The following ZCCHC4 variants were observed in gnomAD, a reference collection of about 807,000 sequenced individuals.
ZCCHC4 encodes the protein zinc finger CCHC-type containing 4, also known as rRNA N(6)-adenosine-methyltransferase ZCCHC4.
In ZCCHC4, 54 loss-of-function variants were observed where a neutral mutation model predicts 67.7. The ratio of observed to expected loss-of-function variants is 0.80; its 90% CI spans 0.64 to 1.00. ZCCHC4 has a LOEUF of 1.00. ZCCHC4 is among the 50% of genes least tolerant of loss of function. The probability of loss-of-function intolerance (pLI) is 0.00; values close to 1 mark genes in which losing one functional copy is unlikely to be tolerated. For missense variants in ZCCHC4, 609 were observed against 617.0 expected (o/e 0.99, Z 0.14); for synonymous variants, 198 against 213.5 (o/e 0.93, Z 0.63).
intron 5 of ZCCHC4, among the ~76,000 whole-genome samples, chr4:25,337,001 C>T (rs904894638): frequency 6.6e-6 from 1 of 152,146 alleles, no homozygotes; most frequent in Non-Finnish European, 1.5e-5. Context: ...ACTAAGCTAT[C>T]CTTTGGAAAT....
chr4:25,333,241 C>A lies in ZCCHC4; in HGVS notation c.388C>A (p.Gln130Lys), dbSNP rs775876074. 2.5e-5 allele frequency: 41 copies of A among 1,614,016 alleles called. No homozygotes were observed. The highest frequency in any genetic ancestry group is 3.3e-5 in the Non-Finnish European group (39 of 1,180,018). ...TQRKFCQTCQQLLLPDDWGQH... is the reference protein window; with the variant it reads ...TQRKFCQTCQKLLLPDDWGQH... ...GAGAAAGTTTTGTCAAACATGTCAGCAGTTGTTGTTACCAGATGACTGGGG... is the reference window on the plus strand; with the variant it reads ...GAGAAAGTTTTGTCAAACATGTCAGAAGTTGTTGTTACCAGATGACTGGGG... The change falls in exon 4 of 13, where the codon CAG (glutamine) becomes AAG (lysine). Residue 130 changes from glutamine (Q) to lysine (K), a missense_variant. Transcript: ENST00000302874.
At chr4:25,339,116 T>C (rs1305542292) in intron 5 of ZCCHC4, among the ~76,000 whole-genome samples, 2 of 152,230 alleles carry the variant, frequency 1.3e-5, no homozygotes, top group Admixed American at 1.3e-4. Flanking sequence ...CTGGCGTTTC[T>C]TACTATGTCC....
intron 7 of ZCCHC4, 25 bp from the exon 8 acceptor site, chr4:25,351,564 T>C (rs1402817596): frequency 6.7e-7 from 1 of 1,500,524 alleles, no homozygotes; most frequent in South Asian, 1.2e-5. Flanking sequence ...TTTACTATTA[T>C]TTTTTCCTTT....
chr4:25,337,563 A>G (rs921749724), intron 5 of ZCCHC4, among the ~76,000 whole-genome samples: 3 of 152,160 alleles, frequency 2.0e-5, no homozygotes, highest in African/African-American at 7.2e-5. Context: ...GGCCTGGCAG[A>G]TGGGGTACTC....
At chr4:25,365,240 C>T in intron 12 of ZCCHC4, 74 bp downstream of exon 12, 1 of 1,576,522 alleles carries the variant, frequency 6.3e-7, no homozygotes, top group Non-Finnish European at 8.6e-7. Context: ...AAGCATGCAA[C>T]ATTCAGAGGA....
At chr4:25,365,250 A>G in intron 12 of ZCCHC4, 84 bp downstream of exon 12, 2 of 1,558,256 alleles carry the variant, frequency 1.3e-6, no homozygotes, top group Non-Finnish European at 1.7e-6. Flanking sequence ...CATTCAGAGG[A>G]TCTTGAAGTG....
chr4:25,368,272 T>C (rs1276712459), intron 12 of ZCCHC4, among the ~76,000 whole-genome samples: 1 of 152,178 alleles, frequency 6.6e-6, no homozygotes, highest in Non-Finnish European at 1.5e-5. Flanking sequence ...GGCCCCTTCC[T>C]TGGTTCTCAA....
intron 3 of ZCCHC4, among the ~76,000 whole-genome samples, chr4:25,329,284 T>C (rs767402475): frequency 1.3e-4 from 20 of 152,290 alleles, no homozygotes; most frequent in Middle Eastern, 3.4e-3. Context: ...CTGGATCTTT[T>C]GATGTAATTT....
intron 3 of ZCCHC4, among the ~76,000 whole-genome samples, chr4:25,328,715 G>T (rs185230971): frequency 3.3e-5 from 5 of 151,834 alleles, no homozygotes; most frequent in African/African-American, 9.7e-5. Context: ...CTGAGCAGCT[G>T]CAACTACAGG....
In ZCCHC4 at chr4:25,369,344, G is replaced by C; in HGVS notation, c.*180G>C. 1.5e-6 allele frequency: 1 copy of C among 679,082 alleles called. No homozygotes were observed. Among genetic ancestry groups the C allele is most frequent in the Non-Finnish European group, 2.4e-6 (1 of 424,134 alleles). The allele number at this position is 679,082 out of a possible 1,614,324, so 42.1% of individuals were successfully genotyped here. ...CTTATCTGCCTCTCTGGAGACATGG[G>C]GAGTTGTTCCATCTTCAGCCAGTTT... On this transcript the variant is annotated 3_prime_UTR_variant, in exon 13 of 13. Coordinates refer to ENST00000302874, the MANE Select transcript of ZCCHC4 (RefSeq NM_024936.3).
intron 5 of ZCCHC4, among the ~76,000 whole-genome samples, chr4:25,338,172 G>A (rs1719555754): frequency 6.6e-6 from 1 of 152,150 alleles, no homozygotes; most frequent in African/African-American, 2.4e-5. Context: ...GCTCACTGCA[G>A]CCTCAACCTC....
chr4:25,351,128 GT>G (rs1303666902), intron 7 of ZCCHC4, among the ~76,000 whole-genome samples: 2 of 152,140 alleles, frequency 1.3e-5, no homozygotes, highest in African/African-American at 4.8e-5. Context: ...TGGTAAAACT[GT>G]TTTGAAGAAT....
intron 3 of ZCCHC4, among the ~76,000 whole-genome samples, chr4:25,321,078 C>T (rs747864621): frequency 6.6e-6 from 1 of 152,174 alleles, no homozygotes; most frequent in Non-Finnish European, 1.5e-5. Context: ...ACTTCCTCTA[C>T]TTGTGGGATT....
chr4:25,357,238 C>A (rs535910834), intron 8 of ZCCHC4, among the ~76,000 whole-genome samples: 2 of 152,280 alleles, frequency 1.3e-5, no homozygotes, highest in East Asian at 3.9e-4. Flanking sequence ...GGATAAACAT[C>A]CCCAATTTGT....
chr4:25,364,423 A>G, intron 10 of ZCCHC4, 31 bp from the exon 11 acceptor site: 2 of 1,439,758 alleles, frequency 1.4e-6, no homozygotes, highest in Non-Finnish European at 1.9e-6. Context: ...CAAATTAATT[A>G]TAATTTAAAA....
chr4:25,339,874 ATT>A (rs530212923), intron 5 of ZCCHC4, among the ~76,000 whole-genome samples: 3 of 142,400 alleles, frequency 2.1e-5, no homozygotes, highest in Admixed American at 7.0e-5. Flanking sequence ...CTATTTTGAG[ATT>A]TTTTTTTTTT....
At chr4:25,313,074 G>C in intron 1 of ZCCHC4, 138 bp downstream of exon 1, 1 of 1,279,722 alleles carries the variant, frequency 7.8e-7, no homozygotes. Context: ...CTCCTTCCTC[G>C]GAACGCGGTG....
intron 3 of ZCCHC4, among the ~76,000 whole-genome samples, chr4:25,325,583 C>T (rs1424947972): frequency 6.6e-6 from 1 of 152,096 alleles, no homozygotes; most frequent in Non-Finnish European, 1.5e-5. Flanking sequence ...TTAATGGTAT[C>T]CTTTGCTGTG....
At position 25,319,821 on chromosome 4, in the gene ZCCHC4, G is replaced by T. The variant is rs74286794; in HGVS notation, c.329+4421G>T. ...TGTGGATAATTTAATTTTGTATAAC[G>T]CATTTATAAGTTAGCTTATTAAACA... On this transcript the variant is annotated intron_variant, in intron 3 of 12. Transcript: ENST00000302874. Among the ~76,000 whole-genome samples the T allele has an allele frequency of 0.014, 2,122 of 151,862 alleles. 94 individuals are homozygous for T. The East Asian group carries it at 0.15, about 11-fold the overall frequency.
Sources: gnomAD v4.1 joint callset for allele counts (sites outside exome capture counted in the v4.1 genomes callset) on GRCh38, gnomAD v4.1.1 for gene constraint, MANE v1.5 for transcripts, NCBI Gene and HGNC (gene_info 2026-07-23, HGNC 2026-07-21) for gene names.